CFAP57: variants seen among roughly 807,000 people sequenced by gnomAD.
CFAP57 encodes cilia- and flagella-associated protein 57.
In CFAP57, 116 loss-of-function variants were observed where a neutral mutation model predicts 146.8. The observed-to-expected ratio is 0.79, with a 90% CI of 0.68 to 0.92. The LOEUF (loss-of-function observed/expected upper bound fraction) is 0.92. Among genes scored for constraint, CFAP57 ranks in the 40% least tolerant of loss-of-function variants. The pLI is 0.00. For synonymous variants in CFAP57, 518 were observed against 552.8 expected (o/e 0.94, Z 0.88); for missense variants, 1,377 against 1,527.2 (o/e 0.90, Z 1.64).
At chr1:43,185,628 A>G (rs1319605104) in intron 5 of CFAP57, among the ~76,000 whole-genome samples, 1 of 145,100 alleles carries the variant, frequency 6.9e-6, no homozygotes, top group African/African-American at 2.6e-5. Flanking sequence ...GGTCTCTTGA[A>G]CTCAGGAGTT....
intron 4 of CFAP57, among the ~76,000 whole-genome samples, chr1:43,184,650 C>T (rs1046163941): frequency 2.6e-5 from 4 of 151,558 alleles, no homozygotes; most frequent in Non-Finnish European, 5.9e-5. Flanking sequence ...CCTGGGCCCT[C>T]AACCCCAATG....
chr1:43,181,967 A>C (rs72968443), intron 3 of CFAP57, 117 bp downstream of exon 3: 41,951 of 1,189,404 alleles, frequency 0.035, 1,080 homozygotes, highest in African/African-American at 0.11. Flanking sequence ...ATTTATTCTT[A>C]CAACAACCGT....
At chr1:43,197,817 A>T (rs1025402450) in intron 7 of CFAP57, 125 bp downstream of exon 7, 3 of 1,390,748 alleles carry the variant, frequency 2.2e-6, no homozygotes, top group African/African-American at 2.9e-5. Context: ...AAAGATTTTT[A>T]AAAAATCAAG....
intron 9 of CFAP57, among the ~76,000 whole-genome samples, chr1:43,205,674 A>C (rs919782081): frequency 6.6e-6 from 1 of 152,152 alleles, no homozygotes; most frequent in Admixed American, 6.5e-5. Flanking sequence ...AGAGAGTCTG[A>C]GCCCTCTTGG....
chr1:43,253,704 G>A (rs1010757337), intron 22 of CFAP57, among the ~76,000 whole-genome samples: 5 of 152,060 alleles, frequency 3.3e-5, no homozygotes, highest in African/African-American at 1.2e-4. Context: ...CATGGGTGGG[G>A]GCCTCTGTGC....
In CFAP57 at chr1:43,197,635, C is replaced by G. The variant is rs1408857534; in HGVS notation, c.1205C>G (p.Pro402Arg). 4.3e-6 allele frequency: 7 copies of G among 1,614,012 alleles called. No individual in the cohort carries two copies. The East Asian group carries it at 1.3e-4, about 31-fold the overall frequency. The change falls in exon 7 of 23, where the codon CCC (proline) becomes CGC (arginine). Residue 402 changes from proline (P) to arginine (R), a missense_variant. Physicochemically the swap from Pro to Arg is moderately radical, Grantham distance 103. Transcript: ENST00000372492. The part of the protein sequence containing the change: ...ITGLATCIRK[P>R]LIATCSLDRS... Reference sequence around the variant, plus strand: ...GGTCTAGCTACCTGCATCCGCAAACCCCTTATAGCCACCTGTTCTCTGGAT... The same window carrying G: ...GGTCTAGCTACCTGCATCCGCAAACGCCTTATAGCCACCTGTTCTCTGGAT...
chr1:43,198,448 A>G (rs603560), intron 7 of CFAP57, 33 bp from the exon 8 acceptor site: 439,459 of 1,609,168 alleles, frequency 0.27, 62,416 homozygotes, highest in Middle Eastern at 0.3. Context: ...TAGTGAGCTA[A>G]GCTTACAATT....
chr1:43,198,747 T>C, intron 8 of CFAP57, 101 bp downstream of exon 8: 3 of 1,299,534 alleles, frequency 2.3e-6, no homozygotes, highest in Non-Finnish European at 2.2e-6. Context: ...CCAAAATCTG[T>C]CTTGGAGAAC....
At chr1:43,207,496 C>A (rs146121565) in intron 10 of CFAP57, among the ~76,000 whole-genome samples, 1 of 152,180 alleles carries the variant, frequency 6.6e-6, no homozygotes, top group Non-Finnish European at 1.5e-5. Context: ...TACCACATAG[C>A]CTAGGTGTAT....
rs369879073 is a variant in CFAP57, at chr1:43,199,521, C to T, written c.1542+18C>T. On this transcript the variant is annotated intron_variant, in intron 9 of 22. Transcript: ENST00000372492. ...CAGGGAAGGTAAGTGAGTGAACAGT[C>T]TCTGGGGAAACAAGGGGCACGGAGC... is the stretch of plus-strand genomic sequence containing the variant. The T allele has an allele frequency of 6.2e-7, 1 of 1,612,620 alleles. No homozygotes were observed. The highest frequency in any genetic ancestry group is 1.7e-5 in the Admixed American group (1 of 60,026).
intron 2 of CFAP57, among the ~76,000 whole-genome samples, chr1:43,175,837 T>C (rs534297557): frequency 2.6e-4 from 37 of 144,120 alleles, no homozygotes; most frequent in Non-Finnish European, 4.2e-4. Context: ...TTTTTTGAAC[T>C]CTTATTTGGA....
Position 43,221,449 on chromosome 1 carries a change from G to T in CFAP57, c.2325G>T (p.Arg775=). The T allele has an allele frequency of 6.5e-7, 1 of 1,535,808 alleles. No individual in the cohort carries two copies. The highest frequency in any genetic ancestry group is 1.2e-5 in the South Asian group (1 of 80,944). ...AAGACCTCCTAGACAAGCAAAGCCG[G>T]GAACTGCAGGACATGGGTGAGCCCA... ...HIEDLLDKQS[R]ELQDMECCNN... Residue 775 remains arginine (R), a synonymous_variant, in exon 14 of 23, where the codon CGG becomes CGT. Coordinates refer to ENST00000372492, the MANE Select transcript of CFAP57 (RefSeq NM_001378189.1).
Position 43,245,084 on chromosome 1 carries a change from C to T in CFAP57, c.3538+1725C>T, listed in dbSNP as rs116044002. 9.6e-3 allele frequency among the ~76,000 whole-genome samples: 1,468 copies of T among 152,186 alleles called. 25 individuals carry two copies. The highest frequency in any genetic ancestry group is 0.034 in the African/African-American group (1,413 of 41,514). ...CAGCACTTTGGGAGGCCAAGGCGAG[C>T]GGAACGCTTGTGCCCAGGGTTCAAG... On this transcript the variant is annotated intron_variant, in intron 22 of 22. Coordinates refer to ENST00000372492, the MANE Select transcript of CFAP57 (RefSeq NM_001378189.1).
intron 9 of CFAP57, 67 bp downstream of exon 9, chr1:43,199,570 A>G: frequency 7.2e-7 from 1 of 1,390,706 alleles, no homozygotes; most frequent in Non-Finnish European, 1.0e-6. Context: ...AGCCAGTGGG[A>G]TACAGGTGAA....
chr1:43,186,183 A>G (rs1335908718), intron 5 of CFAP57, among the ~76,000 whole-genome samples: 4 of 152,058 alleles, frequency 2.6e-5, no homozygotes, highest in African/African-American at 4.8e-5. Context: ...TGGAAGTTGC[A>G]TTGAGCCAAG....
At chr1:43,195,379 G>T (rs901810172) in intron 6 of CFAP57, among the ~76,000 whole-genome samples, 5 of 152,176 alleles carry the variant, frequency 3.3e-5, no homozygotes, top group Admixed American at 3.3e-4. Flanking sequence ...AAAATTAGCT[G>T]GGCATGGTGG....
chr1:43,173,115 G>A (rs946414051), intron 2 of CFAP57, among the ~76,000 whole-genome samples: 6 of 152,186 alleles, frequency 3.9e-5, no homozygotes, highest in African/African-American at 7.2e-5. Context: ...CATATAAAAT[G>A]TTAATTTAAA....
chr1:43,231,000 G>A (rs1645444738), intron 18 of CFAP57, among the ~76,000 whole-genome samples: 1 of 152,264 alleles, frequency 6.6e-6, no homozygotes, highest in Non-Finnish European at 1.5e-5. Flanking sequence ...ATATAACTCT[G>A]CCAACACTGC....
intron 2 of CFAP57, among the ~76,000 whole-genome samples, chr1:43,174,013 G>T (rs1645077243): frequency 6.6e-6 from 1 of 152,210 alleles, no homozygotes. Context: ...CATTAATGAT[G>T]ATGAGTATCT....
Sources: allele counts gnomAD v4.1 joint callset (sites outside exome capture counted in the v4.1 genomes callset), GRCh38; gene constraint gnomAD v4.1.1; transcripts MANE v1.5; gene names NCBI Gene and HGNC (gene_info 2026-07-23, HGNC 2026-07-21).